The following TRIOBP variants were observed in gnomAD, a reference collection of about 807,000 sequenced individuals.
The protein encoded by TRIOBP is TRIO and F-actin binding protein, also known as TRIO and F-actin-binding protein.
A neutral mutation model predicts 238.8 loss-of-function variants in TRIOBP; 169 were observed. That is an observed-to-expected ratio of 0.71 (90% CI 0.62 to 0.80). The LOEUF is 0.80. Among genes scored for constraint, TRIOBP ranks in the 30% least tolerant of loss-of-function variants. The pLI is 0.00. For synonymous variants in TRIOBP, 1,150 were observed against 1,274.4 expected (o/e 0.90, Z 2.08); for missense variants, 2,838 against 3,122.6 (o/e 0.91, Z 2.17).
Position 37,723,322 on chromosome 22 carries a change from A to T in TRIOBP, c.766A>T (p.Thr256Ser), listed in dbSNP as rs772672417. ...ACCACACAGTGGACCTCGAAGCACC[A>T]CGTCTCAGGCTTCTCCTGCCCAAAG... ...MTPHSGPRST[T>S]SQASPAQRDT... is the part of the protein sequence containing the mutation. Residue 256 changes from threonine to serine, a missense_variant, in exon 7 of 24, where the codon ACG becomes TCG. Thr to Ser is a moderately conservative substitution (Grantham distance 58). Transcript: ENST00000644935. 6.2e-7 allele frequency: 1 copy of T among 1,614,018 alleles called. No homozygotes were observed. Among genetic ancestry groups the T allele is most frequent in the Non-Finnish European group, 8.5e-7 (1 of 1,179,940 alleles).
At chr22:37,728,674 G>A (rs921247549) in intron 7 of TRIOBP, among the ~76,000 whole-genome samples, 2 of 152,158 alleles carry the variant, frequency 1.3e-5, no homozygotes, top group South Asian at 4.1e-4. Flanking sequence ...AGGTATGCTT[G>A]TTTCCAGCTC....
At chr22:37,758,999 G>A (rs1453809015) in intron 16 of TRIOBP, among the ~76,000 whole-genome samples, 155 bp from the exon 17 acceptor site, 1 of 152,180 alleles carries the variant, frequency 6.6e-6, no homozygotes, top group East Asian at 1.9e-4. Flanking sequence ...TCACTCCAGG[G>A]CTGCTTGCCC....
At position 37,724,625 on chromosome 22, in the gene TRIOBP, C is replaced by G. The variant is rs771961623; in HGVS notation, c.2069C>G (p.Thr690Ser). Residue 690 changes from threonine to serine, a missense_variant, in exon 7 of 24, where the codon ACC (threonine) becomes AGC (serine). Physicochemically the swap from Thr to Ser is moderately conservative, Grantham distance 58 (BLOSUM62 1). Around this residue, in one of 5 missense-constraint regions of TRIOBP, gnomAD observed 167 missense variants for 200.2 expected, o/e 0.83. Coordinates refer to ENST00000644935, the MANE Select transcript of TRIOBP (RefSeq NM_001039141.3). ...DNPRASSPSR[T>S]IQQENPRTSC... The stretch of plus-strand genomic sequence containing the variant: ...CCCAGAGCCTCCTCTCCCAGCAGAA[C>G]CATCCAACAAGAGAACCCCAGAACA... The G allele has an allele frequency of 3.7e-6, 6 of 1,610,508 alleles. No individual in the cohort carries two copies. In the South Asian group the frequency reaches 6.6e-5, roughly 18 times the overall value.
At chr22:37,747,893 G>A (rs1432075268) in intron 11 of TRIOBP, among the ~76,000 whole-genome samples, 4 of 152,238 alleles carry the variant, frequency 2.6e-5, no homozygotes, top group Admixed American at 2.6e-4. Context: ...CCTGTCCTGG[G>A]GGCAGCACGT....
At chr22:37,710,615 C>G (rs746635341) in intron 4 of TRIOBP, 49 bp downstream of exon 4, 1 of 1,579,824 alleles carries the variant, frequency 6.3e-7, no homozygotes, top group Non-Finnish European at 8.6e-7. Flanking sequence ...GTGGAATGCC[C>G]TCACCCTTCC....
At chr22:37,717,464 C>T (rs1299665773) in intron 6 of TRIOBP, among the ~76,000 whole-genome samples, 1 of 152,142 alleles carries the variant, frequency 6.6e-6, no homozygotes, top group African/African-American at 2.4e-5. Context: ...TACAGAGAGC[C>T]GAGTGGTCTG....
chr22:37,745,441 G>A (rs1925171678), intron 11 of TRIOBP, among the ~76,000 whole-genome samples: 1 of 151,890 alleles, frequency 6.6e-6, no homozygotes, highest in Admixed American at 6.6e-5. Context: ...AGTGCATTTA[G>A]CAACCAATTC....
chr22:37,769,204 G>A lies in TRIOBP; in HGVS notation c.6735+17G>A. On this transcript the variant is annotated intron_variant, in intron 20 of 23. Coordinates refer to ENST00000644935, the MANE Select transcript of TRIOBP (RefSeq NM_001039141.3). ...CACAACCAGGTGGGCCTGGCCCCAGGTTGGGGGGACACGGGTGGGTCCCGG... is the reference window on the plus strand; with the variant it reads ...CACAACCAGGTGGGCCTGGCCCCAGATTGGGGGGACACGGGTGGGTCCCGG... 6.3e-7 allele frequency: 1 copy of A among 1,596,848 alleles called. No individual in the cohort carries two copies. The highest frequency in any genetic ancestry group is 1.7e-5 in the Admixed American group (1 of 57,798).
At chr22:37,722,961 G>T (rs190434816) in intron 6 of TRIOBP, among the ~76,000 whole-genome samples, 2 of 152,130 alleles carry the variant, frequency 1.3e-5, no homozygotes, top group African/African-American at 4.8e-5. Context: ...AGTGAGTCAG[G>T]GTCTCAATTT....
intron 21 of TRIOBP, among the ~76,000 whole-genome samples, chr22:37,770,046 C>CT (rs1162956733): frequency 0.016 from 2,178 of 136,058 alleles, 44 homozygotes; most frequent in African/African-American, 0.051. Context: ...TATTTCTTTA[C>CT]TTTTTTTTTT....
At position 37,740,883 on chromosome 22, in the gene TRIOBP, C is replaced by G. The variant is rs774556951; in HGVS notation, c.5185-12C>G. ...AAGGGACCTGGGGCCAACACTGGAC[C>G]CTGTTTGACAGGCAGACAAGAGGCC... On this transcript the variant is annotated splice_polypyrimidine_tract_variant and intron_variant, in intron 10 of 23. Coordinates refer to ENST00000644935, the MANE Select transcript of TRIOBP (RefSeq NM_001039141.3). 49 of 1,566,968 alleles carry G rather than the reference C, an allele frequency of 3.1e-5. No homozygotes were observed. The highest frequency in any genetic ancestry group is 1.2e-4 in the Admixed American group (6 of 51,894).
Position 37,774,020 on chromosome 22 carries a change from C to A in TRIOBP, c.*240C>A. 7.2e-6 allele frequency: 1 copy of A among 138,654 alleles called. No homozygotes were observed. Among genetic ancestry groups the A allele is most frequent in the Admixed American group, 7.4e-5 (1 of 13,472 alleles). 8.6% of individuals were successfully genotyped at this position (138,654 alleles called of 1,614,324 possible). A position where few individuals can be genotyped will look rare whatever the true frequency, so the allele number is the denominator to read the frequency against. On this transcript the variant is annotated 3_prime_UTR_variant, in exon 24 of 24. Coordinates refer to ENST00000644935, the MANE Select transcript of TRIOBP (RefSeq NM_001039141.3). ...CACACACACACTGCATATCTGAGCG[C>A]GCCCCTCGCACTGGGTCTCACCTTG...
intron 16 of TRIOBP, among the ~76,000 whole-genome samples, chr22:37,758,419 A>C (rs1326922706): frequency 6.6e-6 from 1 of 152,210 alleles, no homozygotes; most frequent in African/African-American, 2.4e-5. Context: ...TCACACCTGT[A>C]ATCCTAACAT....
chr22:37,743,102 T>C (rs1925021996), intron 11 of TRIOBP, among the ~76,000 whole-genome samples: 1 of 152,160 alleles, frequency 6.6e-6, no homozygotes, highest in African/African-American at 2.4e-5. Flanking sequence ...ATTTTCCCCA[T>C]TAGAAAGATG....
At chr22:37,728,016 A>G (rs1020230475) in intron 7 of TRIOBP, among the ~76,000 whole-genome samples, 7 of 152,318 alleles carry the variant, frequency 4.6e-5, no homozygotes, top group East Asian at 1.9e-4. Context: ...AAGTTGTCCA[A>G]CCATTGCCAC....
In TRIOBP at chr22:37,754,122, C is replaced by G. The variant is rs1925778089; in HGVS notation, c.5380-755C>G. Among the ~76,000 whole-genome samples, 3 of 152,158 alleles carry G rather than the reference C, an allele frequency of 2.0e-5. No individual in the cohort carries two copies. The South Asian group carries it at 6.2e-4, about 32-fold the overall frequency. ...GCCAGCCTACAGTTCAAGAAGCAGA[C>G]CGTGCATCTGGGCGCGGTGGCTCAC... is the stretch of plus-strand genomic sequence containing the variant. On this transcript the variant is annotated intron_variant, in intron 12 of 23. Transcript: ENST00000644935.
intron 7 of TRIOBP, among the ~76,000 whole-genome samples, chr22:37,730,999 G>A (rs1374900726): frequency 1.3e-5 from 2 of 149,664 alleles, no homozygotes; most frequent in Non-Finnish European, 3.0e-5. Context: ...GAGCCCTCAA[G>A]CTCAGAAACA....
rs557548099 is a variant in TRIOBP at position 37,724,823 on chromosome 22, C to T, written c.2267C>T (p.Ala756Val). The T allele has an allele frequency of 6.1e-5, 98 of 1,613,822 alleles. No individual in the cohort carries two copies. In the South Asian group the frequency reaches 9.8e-4, roughly 16 times the overall value. The change falls in exon 7 of 24, where the codon GCC becomes GTC. Residue 756 changes from alanine (A) to valine (V), a missense_variant. By Grantham distance (64) the Ala-to-Val change is moderately conservative. This residue lies in a region of TRIOBP where 167 missense variants were observed against 200.2 expected (regional missense o/e 0.83). Coordinates refer to ENST00000644935, the MANE Select transcript of TRIOBP (RefSeq NM_001039141.3). Reference protein sequence around the residue: ...TSCAQRDNPRASSPNRTIQQE... With the variant: ...TSCAQRDNPRVSSPNRTIQQE... ...TGTGCCCAGCGGGACAATCCCAGAGCCTCCTCTCCTAACAGAACCATCCAA... is the reference window on the plus strand; with the variant it reads ...TGTGCCCAGCGGGACAATCCCAGAGTCTCCTCTCCTAACAGAACCATCCAA...
Position 37,735,246 on chromosome 22 carries a change from C to T in TRIOBP, c.4910C>T (p.Thr1637Ile). 1 of 1,604,026 alleles carries T rather than the reference C, an allele frequency of 6.2e-7. No homozygotes were observed. Among genetic ancestry groups the T allele is most frequent in the Non-Finnish European group, 8.5e-7 (1 of 1,172,404 alleles). Residue 1637 changes from threonine to isoleucine, a missense_variant, in exon 9 of 24, where the codon ACC (threonine) becomes ATC (isoleucine). Physicochemically the swap from Thr to Ile is moderately conservative, Grantham distance 89 (BLOSUM62 -1). Transcript: ENST00000644935. ...HSQPEGWAEA[T>I]PVNGHSPALQ... The stretch of plus-strand genomic sequence containing the variant: ...CAGCCAGAAGGCTGGGCCGAGGCCA[C>T]CCCAGTCAATGGACACAGCCCCGCA...
Sources: gnomAD v4.1 joint callset for allele counts (sites outside exome capture counted in the v4.1 genomes callset) on GRCh38, gnomAD v4.1.1 for gene constraint, gnomAD v4.1.1 regional missense constraint, MANE v1.5 for transcripts, NCBI Gene and HGNC (gene_info 2026-07-23, HGNC 2026-07-21) for gene names.